Variants in BLOC1S5 observed in about 807,000 individuals in gnomAD.
BLOC1S5 encodes biogenesis of lysosomal organelles complex 1 subunit 5.
In BLOC1S5, 27 loss-of-function variants were observed where a neutral mutation model predicts 24.3. The ratio of observed to expected loss-of-function variants is 1.11; its 90% CI spans 0.82 to 1.53. The LOEUF (loss-of-function observed/expected upper bound fraction) is 1.53. Among genes scored for constraint, BLOC1S5 ranks in the 40% most tolerant of loss-of-function variants. The pLI, the probability that BLOC1S5 is intolerant of heterozygous loss-of-function variation, is 0.00. For missense variants in BLOC1S5, 239 were observed against 229.4 expected (o/e 1.04, Z -0.27); for synonymous variants, 84 against 74.5 (o/e 1.13, Z -0.66).
chr6:8,023,428 A>G (rs1762994393), intron 4 of BLOC1S5, among the ~76,000 whole-genome samples: 2 of 152,184 alleles, frequency 1.3e-5, no homozygotes, highest in Admixed American at 1.3e-4. Flanking sequence ...CGTTTCTACT[A>G]AAAACACAAA....
chr6:8,058,238 G>A (rs1581436621), intron 2 of BLOC1S5, among the ~76,000 whole-genome samples: 1 of 151,756 alleles, frequency 6.6e-6, no homozygotes, highest in East Asian at 1.9e-4. Flanking sequence ...CCACCTTGTA[G>A]GCCGAGCATG....
intron 4 of BLOC1S5, among the ~76,000 whole-genome samples, chr6:8,020,068 T>C (rs1241690286): frequency 2.0e-5 from 3 of 152,230 alleles, no homozygotes; most frequent in African/African-American, 7.2e-5. Flanking sequence ...TAATATAAAA[T>C]CTGATATTCT....
chr6:8,060,357 A>T (rs1764470196), intron 2 of BLOC1S5, among the ~76,000 whole-genome samples: 1 of 152,254 alleles, frequency 6.6e-6, no homozygotes, highest in South Asian at 2.1e-4. Context: ...AAAGACAAGT[A>T]GAGGTCAGAG....
At chr6:8,057,028 C>A (rs1581435398) in intron 2 of BLOC1S5, among the ~76,000 whole-genome samples, 1 of 151,994 alleles carries the variant, frequency 6.6e-6, no homozygotes, top group Non-Finnish European at 1.5e-5. Flanking sequence ...ACCAGCCTGG[C>A]CAACATGGTG....
intron 1 of BLOC1S5, 25 bp downstream of exon 1, chr6:8,064,240 G>C (rs1436345479): frequency 2.5e-6 from 4 of 1,587,918 alleles, no homozygotes; most frequent in Non-Finnish European, 3.4e-6. Flanking sequence ...GATCCACCAG[G>C]AACTATAGCC....
At chr6:8,030,168 T>C (rs1022430779) in intron 3 of BLOC1S5, among the ~76,000 whole-genome samples, 1 of 152,128 alleles carries the variant, frequency 6.6e-6, no homozygotes, top group Non-Finnish European at 1.5e-5. Flanking sequence ...AGAACAATTT[T>C]TTTTCTTTTG....
intron 2 of BLOC1S5, among the ~76,000 whole-genome samples, chr6:8,045,193 G>A (rs1295973030): frequency 6.6e-6 from 1 of 152,244 alleles, no homozygotes; most frequent in Non-Finnish European, 1.5e-5. Flanking sequence ...GAAAGGGGCC[G>A]ACATACAGCT....
chr6:8,026,514 G>T (rs1472409434), intron 3 of BLOC1S5, 89 bp from the exon 4 acceptor site: 1 of 1,068,060 alleles, frequency 9.4e-7, no homozygotes, highest in Non-Finnish European at 1.4e-6. Flanking sequence ...GAGAGTACAT[G>T]AATTGTTTTA....
chr6:8,032,981 CACAA>C (rs1304824291), intron 3 of BLOC1S5, among the ~76,000 whole-genome samples: 1 of 152,216 alleles, frequency 6.6e-6, no homozygotes, highest in East Asian at 1.9e-4. Flanking sequence ...TAAAAGAAGA[CACAA>C]ACAAATGGAA....
chr6:8,014,191 A>G lies in BLOC1S5; in HGVS notation c.*1458T>C, dbSNP rs1762665181. On this transcript the variant is annotated 3_prime_UTR_variant, in exon 5 of 5. Coordinates refer to ENST00000397457, the MANE Select transcript of BLOC1S5 (RefSeq NM_201280.3). ...ATGTGAAAGATTTATCCATACCTCA[A>G]ATTTGTTTACCATAAATCTCGAAAT... The G allele has an allele frequency of 6.6e-6, 1 of 152,206 alleles. No individual in the cohort carries two copies. The highest frequency in any genetic ancestry group is 2.1e-4 in the South Asian group (1 of 4,830). The allele number at this position is 152,206 out of a possible 1,614,324, so 9.4% of individuals were successfully genotyped here.
chr6:8,033,867 C>A (rs1387091289), intron 3 of BLOC1S5, among the ~76,000 whole-genome samples: 1 of 152,152 alleles, frequency 6.6e-6, no homozygotes, highest in Non-Finnish European at 1.5e-5. Context: ...AGCCAACAGA[C>A]ACATGAAAAA....
chr6:8,017,385 A>AACACACACAC (rs59166291), intron 4 of BLOC1S5, among the ~76,000 whole-genome samples: 23,163 of 149,478 alleles, frequency 0.15, 1,818 homozygotes, highest in Admixed American at 0.19. Context: ...CTCAAAAACA[A>AACACACACAC]ACACACACAC....
At chr6:8,022,820 G>A (rs920170712) in intron 4 of BLOC1S5, among the ~76,000 whole-genome samples, 16 of 140,724 alleles carry the variant, frequency 1.1e-4, no homozygotes, top group Non-Finnish European at 2.4e-4. Flanking sequence ...TCCTGACCTC[G>A]TGATCCGCCC....
At chr6:8,018,528 A>G (rs1762815361) in intron 4 of BLOC1S5, among the ~76,000 whole-genome samples, 1 of 152,244 alleles carries the variant, frequency 6.6e-6, no homozygotes, top group South Asian at 2.1e-4. Flanking sequence ...CATTTTATCC[A>G]GTACAGCCCA....
chr6:8,037,854 G>A (rs1019781847), intron 3 of BLOC1S5, among the ~76,000 whole-genome samples: 1 of 152,082 alleles, frequency 6.6e-6, no homozygotes, highest in Admixed American at 6.5e-5. Context: ...TTCAACAAAG[G>A]CACCAAGAAC....
At chr6:8,016,339 T>A (rs13203320) in intron 4 of BLOC1S5, among the ~76,000 whole-genome samples, 24,922 of 140,018 alleles carry the variant, frequency 0.18, 2,278 homozygotes, top group South Asian at 0.32. Flanking sequence ...AAAAAAAAAA[T>A]TTTTTTTAAA....
At chr6:8,050,215 TTAC>T (rs2113585790) in intron 2 of BLOC1S5, among the ~76,000 whole-genome samples, 1 of 152,336 alleles carries the variant, frequency 6.6e-6, no homozygotes, top group Admixed American at 6.5e-5. Context: ...TTCATTATTA[TTAC>T]ACCTGTAAGG....
At chr6:8,029,400 T>A (rs1763220073) in intron 3 of BLOC1S5, among the ~76,000 whole-genome samples, 1 of 152,320 alleles carries the variant, frequency 6.6e-6, no homozygotes, top group Non-Finnish European at 1.5e-5. Flanking sequence ...ACTCATGGTT[T>A]CTATGCTAAA....
rs758456446 is a variant in BLOC1S5, at chr6:8,058,554, A to G, written c.195+3980T>C. 7.4e-4 allele frequency among the ~76,000 whole-genome samples: 113 copies of G among 152,220 alleles called. 2 individuals are homozygous for G. The highest frequency in any genetic ancestry group is 4.1e-4 in the South Asian group (2 of 4,828). ...AAGGGAGCTATGCAGCTCCATTCAG[A>G]GGACGGGTTACTGTGGTCCCAGCTA... On this transcript the variant is annotated intron_variant, in intron 2 of 4. Transcript: ENST00000397457.
Sources: gnomAD v4.1 joint callset for allele counts (sites outside exome capture counted in the v4.1 genomes callset) on GRCh38, gnomAD v4.1.1 for gene constraint, MANE v1.5 for transcripts, NCBI Gene and HGNC (gene_info 2026-07-23, HGNC 2026-07-21) for gene names.